The following TICAM2 variants were observed in gnomAD, a reference collection of about 807,000 sequenced individuals.
TICAM2 encodes TIR domain containing adaptor molecule 2, also known as TIR domain-containing adapter molecule 2.
TICAM2 carries 8 observed loss-of-function variants against 7.3 expected under a neutral mutation model. That is an observed-to-expected ratio of 1.10 (90% CI 0.65 to 1.99). The LOEUF is 1.99. TICAM2 is among the 30% of genes most tolerant of loss of function. The pLI, the probability that TICAM2 is intolerant of heterozygous loss-of-function variation, is 0.00. For synonymous variants in TICAM2, 113 were observed against 99.6 expected (o/e 1.13, Z -0.80); for missense variants, 304 against 278.8 (o/e 1.09, Z -0.65).
chr5:115,590,609 T>C (rs1435532010), intron 1 of TICAM2, among the ~76,000 whole-genome samples: 1 of 152,230 alleles, frequency 6.6e-6, no homozygotes, highest in African/African-American at 2.4e-5. Context: ...ATCCTATCTA[T>C]TAGCTACAGA....
In TICAM2 at chr5:115,581,037, C is replaced by T. The variant is rs1420242531; in HGVS notation, c.220G>A (p.Glu74Lys). The part of the protein sequence containing the change: ...SVEEMFEEEA[E>K]EEVFLKFVIL... ...ACAAATTTGAGGAACACCTCTTCTT[C>T]AGCTTCTTCTTCAAACATCTCTTCC... The change falls in exon 2 of 2, where the codon GAA becomes AAA. Residue 74 changes from glutamate (E) to lysine (K), a missense_variant. By Grantham distance (56) the Glu-to-Lys change is moderately conservative (BLOSUM62 1). Coordinates refer to ENST00000427199, the MANE Select transcript of TICAM2 (RefSeq NM_021649.7). 1 of 1,614,212 alleles carries T rather than the reference C, an allele frequency of 6.2e-7. No homozygotes were observed. Among genetic ancestry groups the T allele is most frequent in the South Asian group, 1.1e-5 (1 of 91,082 alleles).
chr5:115,584,226 T>C (rs1214919663), intron 1 of TICAM2, among the ~76,000 whole-genome samples: 1 of 152,226 alleles, frequency 6.6e-6, no homozygotes, highest in Non-Finnish European at 1.5e-5. Context: ...TTCTTGTTAT[T>C]CTTTCCTTTT....
At chr5:115,600,973 G>T (rs893788986) in intron 1 of TICAM2, among the ~76,000 whole-genome samples, 1 of 152,174 alleles carries the variant, frequency 6.6e-6, no homozygotes, top group Non-Finnish European at 1.5e-5. Context: ...AGATGCCCAT[G>T]ATTCAACAGT....
At chr5:115,589,027 G>A (rs1755211218) in intron 1 of TICAM2, among the ~76,000 whole-genome samples, 1 of 152,170 alleles carries the variant, frequency 6.6e-6, no homozygotes, top group South Asian at 2.1e-4. Flanking sequence ...AGTAGATTCT[G>A]TTGTCCACAA....
rs1754871630 is a variant in TICAM2, at chr5:115,580,350, T to C, written c.*199A>G. On this transcript the variant is annotated 3_prime_UTR_variant, in exon 2 of 2. Coordinates refer to ENST00000427199, the MANE Select transcript of TICAM2 (RefSeq NM_021649.7). The stretch of plus-strand genomic sequence containing the variant: ...AGAAAAGTCCTTGAAACTCTGACAA[T>C]GTCAAGTTTACTGAAACATCAAAAA... 1.5e-6 allele frequency: 1 copy of C among 648,328 alleles called. No individual in the cohort carries two copies. Among genetic ancestry groups the C allele is most frequent in the East Asian group, 3.5e-5 (1 of 28,958 alleles). 40.2% of individuals were successfully genotyped at this position (648,328 alleles called of 1,614,324 possible).
intron 1 of TICAM2, among the ~76,000 whole-genome samples, chr5:115,584,460 G>A (rs1755033626): frequency 6.6e-6 from 1 of 152,112 alleles, no homozygotes; most frequent in Admixed American, 6.6e-5. Context: ...TCTACTACTA[G>A]GACAAACTAT....
intron 1 of TICAM2, among the ~76,000 whole-genome samples, chr5:115,591,212 T>C (rs1007430073): frequency 2.6e-5 from 4 of 152,244 alleles, no homozygotes; most frequent in Non-Finnish European, 5.9e-5. Flanking sequence ...AGTGCTGTGC[T>C]TTTTGCCCCT....
intron 1 of TICAM2, chr5:115,582,022 T>C (rs1194066925): frequency 6.6e-6 from 1 of 152,192 alleles, no homozygotes; most frequent in Non-Finnish European, 1.5e-5. Context: ...TTTATTCACC[T>C]AAGGAAAAAT....
rs752117006 is a variant in TICAM2 at position 115,580,920 on chromosome 5, C to G, written c.337G>C (p.Ala113Pro). 1.2e-6 allele frequency: 2 copies of G among 1,613,878 alleles called. No individual in the cohort carries two copies. The highest frequency in any genetic ancestry group is 1.1e-5 in the South Asian group (1 of 91,044). Residue 113 changes from alanine (A) to proline (P), a missense_variant, in exon 2 of 2, where the codon GCT becomes CCT. By Grantham distance (27) the Ala-to-Pro change is conservative. Coordinates refer to ENST00000427199, the MANE Select transcript of TICAM2 (RefSeq NM_021649.7). ...DFGIKPGIIFAEMPCGRQHLQ... is the reference protein window; with the variant it reads ...DFGIKPGIIFPEMPCGRQHLQ... ...TGCTGTCTGCCACATGGCATCTCAG[C>G]AAAGATTATTCCGGGTTTGATACCA...
At chr5:115,584,740 C>T (rs1755043537) in intron 1 of TICAM2, among the ~76,000 whole-genome samples, 1 of 152,106 alleles carries the variant, frequency 6.6e-6, no homozygotes, top group African/African-American at 2.4e-5. Flanking sequence ...CCTCAGGCAA[C>T]AGAAATGTGA....
rs775083666 is a variant in TICAM2 at position 115,581,204 on chromosome 5, C to A, written c.53G>T (p.Gly18Val). Residue 18 changes from glycine to valine, a missense_variant, in exon 2 of 2, where the codon GGT (glycine) becomes GTT (valine). By Grantham distance (109) the Gly-to-Val change is moderately radical. Coordinates refer to ENST00000427199, the MANE Select transcript of TICAM2 (RefSeq NM_021649.7). ...ACTTGTATCCACACTGTGCCTTTTA[C>A]CCCAAGAGAGAGAAAGAGGGCAGGA... ...INSCPLSLSW[G>V]KRHSVDTSPG... 2 of 1,612,568 alleles carry A rather than the reference C, an allele frequency of 1.2e-6. No individual in the cohort carries two copies. Among genetic ancestry groups the A allele is most frequent in the African/African-American group, 2.7e-5 (2 of 74,884 alleles).
intron 1 of TICAM2, among the ~76,000 whole-genome samples, chr5:115,593,621 C>A (rs563504863): frequency 6.6e-6 from 1 of 152,240 alleles, no homozygotes; most frequent in Admixed American, 6.5e-5. Context: ...AGATTCAATG[C>A]AATAACAATC....
chr5:115,589,464 T>G (rs981614902), intron 1 of TICAM2, among the ~76,000 whole-genome samples: 19 of 152,254 alleles, frequency 1.2e-4, no homozygotes, highest in African/African-American at 4.3e-4. Flanking sequence ...TGAAATAACA[T>G]TCTTGAGAAT....
At chr5:115,582,896 T>C (rs1030295866) in intron 1 of TICAM2, among the ~76,000 whole-genome samples, 1 of 152,308 alleles carries the variant, frequency 6.6e-6, no homozygotes, top group Non-Finnish European at 1.5e-5. Context: ...ACAGAGAATT[T>C]CATTCAATGT....
Position 115,602,221 on chromosome 5 carries a change from G to GCGCGC in TICAM2, c.-189_-185dup, listed in dbSNP as rs1755790278. 3 of 152,628 alleles carry GCGCGC rather than the reference G, an allele frequency of 2.0e-5. No individual in the cohort carries two copies. The South Asian group carries it at 6.2e-4, about 32-fold the overall frequency. The allele number at this position is 152,628 out of a possible 1,614,324, so 9.5% of individuals were successfully genotyped here. A position where few individuals can be genotyped will look rare whatever the true frequency, so the allele number is the denominator to read the frequency against. On this transcript the variant is annotated 5_prime_UTR_variant, in exon 1 of 2. Transcript: ENST00000427199. ...AGAGTTTGGGGCCGTCCCGTACGCG[G>GCGCGC]CGCGCCGCAACCCAGTCCCCGCGAC...
At position 115,602,335 on chromosome 5, in the gene TICAM2, T is replaced by A. The variant is rs1755800672; in HGVS notation, c.-298A>T. On this transcript the variant is annotated 5_prime_UTR_variant, in exon 1 of 2. The change creates a new upstream start codon in the 5' untranslated region. Coordinates refer to ENST00000427199, the MANE Select transcript of TICAM2 (RefSeq NM_021649.7). ...AGGCCTCACCCTTGGAGGTCGCCGC[T>A]TGTCAGGCCTGACTGCTGTTGGCGC... The A allele has an allele frequency of 6.6e-6, 1 of 151,340 alleles. No individual in the cohort carries two copies. Among genetic ancestry groups the A allele is most frequent in the Non-Finnish European group, 1.5e-5 (1 of 67,848 alleles). 9.4% of individuals were successfully genotyped at this position (151,340 alleles called of 1,614,324 possible). A position where few individuals can be genotyped will look rare whatever the true frequency, so the allele number is the denominator to read the frequency against.
chr5:115,595,533 C>T (rs1434382103), intron 1 of TICAM2, among the ~76,000 whole-genome samples: 1 of 152,192 alleles, frequency 6.6e-6, no homozygotes, highest in Non-Finnish European at 1.5e-5. Context: ...TGCCTCCAGT[C>T]TCTTTCCCTT....
intron 1 of TICAM2, among the ~76,000 whole-genome samples, chr5:115,591,220 C>T (rs1755290354): frequency 6.6e-6 from 1 of 152,102 alleles, no homozygotes. Flanking sequence ...GCTTTTTGCC[C>T]CTCATGGTTA....
At chr5:115,586,595 G>A (rs1755115390) in intron 1 of TICAM2, among the ~76,000 whole-genome samples, 2 of 152,122 alleles carry the variant, frequency 1.3e-5, no homozygotes, top group South Asian at 4.1e-4. Context: ...TATATGACTG[G>A]TCAAGTAGGG....
Sources: gnomAD v4.1 joint callset for allele counts (sites outside exome capture counted in the v4.1 genomes callset) on GRCh38, gnomAD v4.1.1 for gene constraint, MANE v1.5 for transcripts, NCBI Gene and HGNC (gene_info 2026-07-23, HGNC 2026-07-21) for gene names.